The following GLS variants were observed in gnomAD, a reference collection of about 807,000 sequenced individuals.
The protein encoded by GLS is glutaminase.
A neutral mutation model predicts 86.7 loss-of-function variants in GLS; 36 were observed. The ratio of observed to expected loss-of-function variants is 0.42; its 90% confidence interval spans 0.32 to 0.55. The LOEUF (loss-of-function observed/expected upper bound fraction) is 0.55, where lower values mean the gene tolerates loss of function less well. Ranked by LOEUF, GLS falls within the 20% of genes least tolerant of loss-of-function variation. The probability of loss-of-function intolerance (pLI) is 0.17; values close to 1 mark genes in which losing one functional copy is unlikely to be tolerated. For missense variants in GLS, 528 were observed against 833.4 expected, an observed-to-expected ratio of 0.63 and a Z score of 4.51; for synonymous variants, 317 against 305.9, an observed-to-expected ratio of 1.04 and a Z score of -0.38.
In GLS at chr2:190,901,958, T is replaced by C; in HGVS notation, c.747T>C (p.Tyr249=). 1 of 1,601,710 alleles carries C rather than the reference T, an allele frequency of 6.2e-7. No homozygotes were observed. The highest frequency in any genetic ancestry group is 1.1e-5 in the South Asian group (1 of 90,834). The change falls in exon 5 of 18, where the codon TAT becomes TAC. Residue 249 remains tyrosine (Y), a synonymous_variant. Coordinates refer to ENST00000320717, the MANE Select transcript of GLS (RefSeq NM_014905.5). ...KKQSGGKVAD[Y]IPQLAKFSPD... is the part of the protein sequence containing the mutation. ...AATCTTTTGGATAGGTTGCAGATTA[T>C]ATTCCTCAACTGGCCAAATTCAGTC... is the stretch of plus-strand genomic sequence containing the variant.
chr2:190,886,257 G>A (rs2125974284), intron 1 of GLS, among the ~76,000 whole-genome samples: 1 of 152,278 alleles, frequency 6.6e-6, no homozygotes, highest in East Asian at 1.9e-4. Context: ...ATATTGAAAT[G>A]TGCATCAGTC....
rs1162149399 is a variant in GLS, at chr2:190,895,060, CTAGTT to C, written c.387-87_387-83del. 1.7e-5 allele frequency: 11 copies of C among 629,802 alleles called. No individual in the cohort carries two copies. Among genetic ancestry groups the C allele is most frequent in the Non-Finnish European group, 3.2e-5 (11 of 344,234 alleles). The allele number at this position is 629,802 out of a possible 1,614,324, so 39.0% of individuals were successfully genotyped here. A position where few individuals can be genotyped will look rare whatever the true frequency, so the allele number is the denominator to read the frequency against. ...TTGAGTATATGAGCTCAGCTGTAGT[CTAGTT>C]TAGTGGTTATTTAACAATGGATTTA... On this transcript the variant is annotated intron_variant, in intron 1 of 17. Coordinates refer to ENST00000320717, the MANE Select transcript of GLS (RefSeq NM_014905.5). This position sits in a 1 kb window ranked among gnomAD's most constrained non-coding sequence, Gnocchi z 4.2.
At chr2:190,907,805 T>C (rs368524170) in intron 6 of GLS, among the ~76,000 whole-genome samples, 21 of 152,318 alleles carry the variant, frequency 1.4e-4, no homozygotes, top group East Asian at 7.7e-4. Context: ...GGAATAACTT[T>C]TCTGACTACA....
chr2:190,917,115 C>A (rs1689563339), intron 7 of GLS, among the ~76,000 whole-genome samples: 2 of 152,194 alleles, frequency 1.3e-5, no homozygotes, highest in African/African-American at 4.8e-5. Context: ...TGCTGTTTGA[C>A]AGCATTTTAC....
chr2:190,933,489 T>C, intron 14 of GLS: 1 of 898,714 alleles, frequency 1.1e-6, no homozygotes, highest in Non-Finnish European at 1.3e-6. Flanking sequence ...TCCTACTTTT[T>C]TTATTTTGCA....
intron 14 of GLS, among the ~76,000 whole-genome samples, chr2:190,945,367 T>A (rs553074407): frequency 6.6e-6 from 1 of 152,202 alleles, no homozygotes; most frequent in South Asian, 2.1e-4. Flanking sequence ...AAACTGGTCA[T>A]TGAAAAATTT....
chr2:190,913,259 G>A lies in GLS; in HGVS notation c.1038+2938G>A, dbSNP rs1689420505. 7.7e-7 allele frequency: 1 copy of A among 1,300,084 alleles called. No individual in the cohort carries two copies. The highest frequency in any genetic ancestry group is 1.0e-6 in the Non-Finnish European group (1 of 987,594). 80.5% of individuals were successfully genotyped at this position (1,300,084 alleles called of 1,614,324 possible). A position where few individuals can be genotyped will look rare whatever the true frequency, so the allele number is the denominator to read the frequency against. On this transcript the variant is annotated intron_variant, in intron 7 of 17. Coordinates refer to ENST00000320717, the MANE Select transcript of GLS (RefSeq NM_014905.5). The surrounding 1 kb of genome is among the most constrained non-coding windows in gnomAD (Gnocchi z 6.1). ...AAATGTTCAAAAGGATTAGCAGATT[G>A]TGGAAAAAAGGAGAATTTGGACAGA...
intron 14 of GLS, chr2:190,934,435 T>C (rs745814459): frequency 5.3e-6 from 5 of 952,296 alleles, no homozygotes; most frequent in Non-Finnish European, 6.3e-6. Context: ...TAGAGGATTT[T>C]CCCAAGGATT....
At chr2:190,900,161 A>G (rs1181513888) in intron 3 of GLS, among the ~76,000 whole-genome samples, 1 of 152,164 alleles carries the variant, frequency 6.6e-6, no homozygotes, top group Non-Finnish European at 1.5e-5. Context: ...GAACTAAGAG[A>G]TGTATTTCTG....
At position 190,913,442 on chromosome 2, in the gene GLS, CTTCCTCTCTTTTTCT is replaced by C; in HGVS notation, c.1038+3122_1038+3136del. 1.1e-6 allele frequency: 1 copy of C among 891,220 alleles called. No individual in the cohort carries two copies. The highest frequency in any genetic ancestry group is 9.2e-5 in the East Asian group (1 of 10,854). 55.2% of individuals were successfully genotyped at this position (891,220 alleles called of 1,614,324 possible). On this transcript the variant is annotated intron_variant, in intron 7 of 17. Coordinates refer to ENST00000320717, the MANE Select transcript of GLS (RefSeq NM_014905.5). The surrounding 1 kb of genome is among the most constrained non-coding windows in gnomAD (Gnocchi z 6.1). ...TTTTAAAAATCATAAGGGTATTATA[CTTCCTCTCTTTTTCT>C]CTGTGGTAGCTACTAACTTTAAAGG...
intron 6 of GLS, among the ~76,000 whole-genome samples, chr2:190,908,050 C>A (rs936479557): frequency 6.6e-6 from 1 of 152,108 alleles, no homozygotes; most frequent in South Asian, 2.1e-4. Context: ...TGTGAGAGGG[C>A]ACTGCACATT....
In GLS at chr2:190,930,006, C is replaced by G. The variant is rs535674478; in HGVS notation, c.1426-431C>G. ...GACTACAGGCGTGCACTTTGGGAGG[C>G]TGAGGCGGGCGGATCACAAGGTCAG... On this transcript the variant is annotated intron_variant, in intron 12 of 17. Transcript: ENST00000320717. The surrounding 1 kb of genome is among the most constrained non-coding windows in gnomAD (Gnocchi z 5.0). Among the ~76,000 whole-genome samples, 253 of 151,692 alleles carry G rather than the reference C, an allele frequency of 1.7e-3. 2 individuals are homozygous for G. The highest frequency in any genetic ancestry group is 3.4e-3 in the Middle Eastern group (1 of 292).
intron 6 of GLS, 136 bp from the exon 7 acceptor site, chr2:190,910,127 A>G: frequency 1.8e-6 from 1 of 560,710 alleles, no homozygotes; most frequent in Non-Finnish European, 3.2e-6. Context: ...TTGTATATAA[A>G]GATAAAAATA....
intron 5 of GLS, among the ~76,000 whole-genome samples, chr2:190,903,249 A>G (rs1223337018): frequency 6.6e-6 from 1 of 152,242 alleles, no homozygotes; most frequent in African/African-American, 2.4e-5. Flanking sequence ...CTTACAGTAA[A>G]AAATATATGG....
rs1689415338 is a variant in GLS at position 190,913,047 on chromosome 2, T to C, written c.1038+2726T>C. ...TGACCTTAAGGCTATTTGTGATTTT[T>C]TTTTTTCTTTCAAAATTCAGGAATT... On this transcript the variant is annotated intron_variant, in intron 7 of 17. Transcript: ENST00000320717. The surrounding 1 kb of genome is among the most constrained non-coding windows in gnomAD (Gnocchi z 6.1). 2 of 636,290 alleles carry C rather than the reference T, an allele frequency of 3.1e-6. No individual in the cohort carries two copies. Among genetic ancestry groups the C allele is most frequent in the South Asian group, 3.2e-5 (2 of 61,994 alleles). The allele number at this position is 636,290 out of a possible 1,614,324, so 39.4% of individuals were successfully genotyped here.
chr2:190,965,409 T>G lies in GLS; in HGVS notation c.*2423T>G, dbSNP rs1488434355. The G allele has an allele frequency of 6.6e-6, 1 of 152,654 alleles. No homozygotes were observed. Among genetic ancestry groups the G allele is most frequent in the Non-Finnish European group, 1.5e-5 (1 of 68,034 alleles). 9.5% of individuals were successfully genotyped at this position (152,654 alleles called of 1,614,324 possible). On this transcript the variant is annotated 3_prime_UTR_variant, in exon 18 of 18. Coordinates refer to ENST00000320717, the MANE Select transcript of GLS (RefSeq NM_014905.5). The surrounding 1 kb of genome is among the most constrained non-coding windows in gnomAD (Gnocchi z 5.0). ...CCTGGGGATTACACAGCTATGAATG[T>G]ATTTGCTTCTAAAACCTCCCAAAGT...
At chr2:190,902,837 T>C (rs1041859221) in intron 5 of GLS, among the ~76,000 whole-genome samples, 1 of 152,170 alleles carries the variant, frequency 6.6e-6, no homozygotes, top group African/African-American at 2.4e-5. Context: ...ATATATTCCT[T>C]TGTTTTTTGT....
At chr2:190,952,195 C>T (rs73062698) in intron 14 of GLS, among the ~76,000 whole-genome samples, 17,853 of 152,098 alleles carry the variant, frequency 0.12, 1,468 homozygotes, top group Admixed American at 0.28. Flanking sequence ...ACCCCCATTC[C>T]CCATTAAGAA....
Position 190,953,512 on chromosome 2 carries a change from G to C in GLS, c.1651-53G>C, listed in dbSNP as rs905125471. On this transcript the variant is annotated intron_variant, in intron 14 of 17. Transcript: ENST00000320717. The surrounding 1 kb of genome is among the most constrained non-coding windows in gnomAD (Gnocchi z 4.0). ...AATCACTTGCCAGTGACAGGTGGAC[G>C]TTGTATGTGTTTTCTCTCTCCTAAG... The C allele has an allele frequency of 3.5e-6, 4 of 1,147,644 alleles. No homozygotes were observed. Among genetic ancestry groups the C allele is most frequent in the African/African-American group, 1.5e-5 (1 of 65,804 alleles). The allele number at this position is 1,147,644 out of a possible 1,614,324, so 71.1% of individuals were successfully genotyped here. A position where few individuals can be genotyped will look rare whatever the true frequency, so the allele number is the denominator to read the frequency against.
Sources: allele counts gnomAD v4.1 joint callset (sites outside exome capture counted in the v4.1 genomes callset), GRCh38; gene constraint gnomAD v4.1.1; non-coding constraint Gnocchi (gnomAD v3.1); transcripts MANE v1.5; gene names NCBI Gene and HGNC (gene_info 2026-07-23, HGNC 2026-07-21).